Variants in STARD13 observed in about 807,000 individuals in gnomAD.
STARD13 encodes StAR related lipid transfer domain containing 13.
STARD13 carries 62 observed loss-of-function variants against 106.4 expected under a neutral mutation model. The observed-to-expected ratio is 0.58, with a 90% confidence interval of 0.48 to 0.72. The LOEUF is 0.72. Among genes scored for constraint, STARD13 ranks in the 30% least tolerant of loss-of-function variants. STARD13 has a pLI of 0.00. For synonymous variants in STARD13, 565 were observed against 553.0 expected, an observed-to-expected ratio of 1.02 and a Z score of -0.31; for missense variants, 1,387 against 1,424.0, an observed-to-expected ratio of 0.97 and a Z score of 0.42.
the STARD13 span, among the ~76,000 whole-genome samples, chr13:33,382,898 C>T: frequency 5.9e-5 from 9 of 152,246 alleles, no homozygotes; most frequent in African/African-American, 1.9e-4. Flanking sequence ...TAGTGAACAA[C>T]GTAAACTTAA....
chr13:33,143,325 C>T (rs546830396), intron 3 of STARD13, among the ~76,000 whole-genome samples: 25 of 152,156 alleles, frequency 1.6e-4, no homozygotes, highest in Admixed American at 3.3e-4. Context: ...TGACTTCTAT[C>T]ATCCGTAGAT....
At chr13:33,403,297 G>A in the STARD13 span, among the ~76,000 whole-genome samples, 43 of 152,220 alleles carry the variant, frequency 2.8e-4, no homozygotes, top group Non-Finnish European at 5.7e-4. Context: ...TTCTTTGTGA[G>A]CTGTGAGAGT....
the STARD13 span, among the ~76,000 whole-genome samples, chr13:33,509,678 G>A: frequency 6.6e-6 from 1 of 152,168 alleles, no homozygotes; most frequent in African/African-American, 2.4e-5. Flanking sequence ...CTCTGGCTTT[G>A]TTACCACTGT....
intron 1 of STARD13, among the ~76,000 whole-genome samples, chr13:33,322,116 C>T (rs1365719196): frequency 6.6e-6 from 1 of 152,222 alleles, no homozygotes; most frequent in Non-Finnish European, 1.5e-5. Context: ...ATATATGTAA[C>T]TGCTAACAAG....
At chr13:33,621,885 ACCTCC>A in the STARD13 span, among the ~76,000 whole-genome samples, 1 of 149,456 alleles carries the variant, frequency 6.7e-6, no homozygotes, top group East Asian at 2.0e-4. Context: ...GCTCACTGCA[ACCTCC>A]CCCTCCCGGG....
intron 1 of STARD13, among the ~76,000 whole-genome samples, chr13:33,328,584 G>C (rs2077802622): frequency 6.6e-6 from 1 of 152,170 alleles, no homozygotes; most frequent in Non-Finnish European, 1.5e-5. Flanking sequence ...ACCAAGAAAG[G>C]GTAAGAGGGA....
At chr13:33,429,861 C>T in the STARD13 span, among the ~76,000 whole-genome samples, 2 of 150,738 alleles carry the variant, frequency 1.3e-5, no homozygotes, top group Non-Finnish European at 2.9e-5. Context: ...GATAGTGCCA[C>T]AGGGTGTGCC....
chr13:33,335,933 T>A (rs2077891167), intron 1 of STARD13, among the ~76,000 whole-genome samples: 1 of 152,146 alleles, frequency 6.6e-6, no homozygotes, highest in Non-Finnish European at 1.5e-5. Context: ...TACAACAGAG[T>A]CCAATACTGG....
chr13:33,105,796 G>T, intron 13 of STARD13, 86 bp from the exon 14 acceptor site: 1 of 1,137,744 alleles, frequency 8.8e-7, no homozygotes, highest in Non-Finnish European at 1.3e-6. Context: ...CTGCCCTTGG[G>T]CCCCGATGAC....
At chr13:33,379,535 T>C in the STARD13 span, among the ~76,000 whole-genome samples, 50 of 152,354 alleles carry the variant, frequency 3.3e-4, no homozygotes, top group African/African-American at 1.2e-3. Flanking sequence ...TCTGTTTGTA[T>C]ATCACAACAT....
chr13:33,477,474 G>A, the STARD13 span, among the ~76,000 whole-genome samples: 1 of 152,200 alleles, frequency 6.6e-6, no homozygotes, highest in Non-Finnish European at 1.5e-5. Context: ...ATCTTGCCAA[G>A]GAACTGAGGA....
chr13:33,245,169 A>G (rs1450204764), intron 1 of STARD13, among the ~76,000 whole-genome samples: 1 of 152,200 alleles, frequency 6.6e-6, no homozygotes, highest in Non-Finnish European at 1.5e-5. Flanking sequence ...TCAGCTGGAA[A>G]CTCACCATCC....
chr13:33,491,331 T>C, the STARD13 span, among the ~76,000 whole-genome samples: 2 of 152,186 alleles, frequency 1.3e-5, no homozygotes, highest in African/African-American at 4.8e-5. Context: ...TTGAAAACAT[T>C]GATGATTTGA....
the STARD13 span, among the ~76,000 whole-genome samples, chr13:33,550,113 T>G: frequency 6.6e-6 from 1 of 152,326 alleles, no homozygotes; most frequent in South Asian, 2.1e-4. Flanking sequence ...AATGAGAATT[T>G]CTGCTGGATG....
At chr13:33,624,197 G>A in the STARD13 span, among the ~76,000 whole-genome samples, 18,449 of 152,138 alleles carry the variant, frequency 0.12, 2,829 homozygotes, top group African/African-American at 0.36. Context: ...AAAAAACTCA[G>A]GCAACCCAAA....
the STARD13 span, among the ~76,000 whole-genome samples, chr13:33,393,294 T>C: frequency 6.6e-6 from 1 of 152,108 alleles, no homozygotes; most frequent in Non-Finnish European, 1.5e-5. Flanking sequence ...GAAGCAGGAA[T>C]GGATGCAAAA....
At chr13:33,238,795 A>C (rs770927166) in intron 1 of STARD13, among the ~76,000 whole-genome samples, 1 of 152,136 alleles carries the variant, frequency 6.6e-6, no homozygotes, top group African/African-American at 2.4e-5. Flanking sequence ...TATATACATT[A>C]TCTCTGTAAT....
intron 1 of STARD13, among the ~76,000 whole-genome samples, chr13:33,306,232 T>A (rs1466671267): frequency 6.6e-6 from 1 of 152,198 alleles, no homozygotes; most frequent in East Asian, 1.9e-4. Flanking sequence ...GGGGAAAGGA[T>A]TCCCTACTTA....
chr13:33,233,507 C>T (rs758112755), intron 1 of STARD13, among the ~76,000 whole-genome samples: 1 of 152,188 alleles, frequency 6.6e-6, no homozygotes, highest in Admixed American at 6.5e-5. Flanking sequence ...CTCCTCTCCA[C>T]CCAGAGCCAT....
Sources: gnomAD v4.1 joint callset for allele counts (sites outside exome capture counted in the v4.1 genomes callset) on GRCh38, gnomAD v4.1.1 for gene constraint, MANE v1.5 for transcripts, NCBI Gene and HGNC (gene_info 2026-07-23, HGNC 2026-07-21) for gene names.